ARHGAP6: variants seen among roughly 807,000 people sequenced by gnomAD.
ARHGAP6 encodes rho GTPase-activating protein 6.
A neutral mutation model predicts 55.7 loss-of-function variants in ARHGAP6; 16 were observed. The ratio of observed to expected loss-of-function variants is 0.29; its 90% CI spans 0.19 to 0.44. The LOEUF (loss-of-function observed/expected upper bound fraction) is 0.44. ARHGAP6 is among the 20% of genes least tolerant of loss of function. ARHGAP6 has a pLI of 1.00. For synonymous variants in ARHGAP6, 382 were observed against 360.9 expected (o/e 1.06, Z -0.66); for missense variants, 698 against 808.9 (o/e 0.86, Z 1.66).
At chrX:11,504,687 C>G (rs1170442850) in intron 1 of ARHGAP6, among the ~76,000 whole-genome samples, 1 of 111,941 alleles carries the variant, frequency 8.9e-6, no homozygotes, top group East Asian at 2.8e-4. Flanking sequence ...ACATACACAC[C>G]CACTGGCTTA....
chrX:11,404,077 T>C (rs1309431031), intron 1 of ARHGAP6, among the ~76,000 whole-genome samples: 1 of 111,850 alleles, frequency 8.9e-6, no homozygotes, highest in Non-Finnish European at 1.9e-5. Context: ...TATGCCTTAC[T>C]GATACTTCTT....
At chrX:11,514,677 C>T (rs2050819308) in intron 1 of ARHGAP6, among the ~76,000 whole-genome samples, 1 of 111,387 alleles carries the variant, frequency 9.0e-6, no homozygotes, top group Non-Finnish European at 1.9e-5. Context: ...AGTTATCAAA[C>T]AATTCTCTAT....
chrX:11,432,779 C>T (rs2049952810), intron 1 of ARHGAP6, among the ~76,000 whole-genome samples: 1 of 111,556 alleles, frequency 9.0e-6, no homozygotes, highest in African/African-American at 3.3e-5. Flanking sequence ...CTGCTAAGGC[C>T]CTGGCATTGG....
chrX:11,457,397 GGT>G (rs1458691579), intron 1 of ARHGAP6, among the ~76,000 whole-genome samples: 1 of 110,984 alleles, frequency 9.0e-6, no homozygotes, highest in African/African-American at 3.3e-5. Flanking sequence ...TGTGATGGAT[GGT>G]AAGTTTGCCT....
chrX:11,296,448 G>A (rs1376505404), intron 1 of ARHGAP6, among the ~76,000 whole-genome samples: 1 of 111,466 alleles, frequency 9.0e-6, no homozygotes, highest in Non-Finnish European at 1.9e-5. Context: ...CTGGGCGTGG[G>A]GGTGGGATGC....
chrX:11,280,995 G>A (rs901787772), intron 1 of ARHGAP6, among the ~76,000 whole-genome samples: 6 of 111,153 alleles, frequency 5.4e-5, no homozygotes, highest in African/African-American at 2.0e-4. Context: ...ATTCAAAACA[G>A]CCCCGAACTG....
intron 1 of ARHGAP6, among the ~76,000 whole-genome samples, chrX:11,326,627 A>C (rs2048502731): frequency 8.9e-6 from 1 of 111,800 alleles, no homozygotes; most frequent in African/African-American, 3.3e-5. Context: ...AATATAACTA[A>C]AGCTTGAATG....
intron 1 of ARHGAP6, among the ~76,000 whole-genome samples, chrX:11,602,818 A>C (rs1306312868): frequency 8.9e-6 from 1 of 112,284 alleles, no homozygotes; most frequent in East Asian, 2.8e-4. Context: ...CCCAATTGAC[A>C]CTGGAGGATA....
intron 1 of ARHGAP6, among the ~76,000 whole-genome samples, chrX:11,640,487 G>A (rs1463651723): frequency 3.6e-5 from 4 of 111,934 alleles, no homozygotes; most frequent in Non-Finnish European, 5.7e-5. Flanking sequence ...GTGCTGCCTC[G>A]CCTTAAATAA....
intron 1 of ARHGAP6, among the ~76,000 whole-genome samples, chrX:11,416,374 T>A (rs1052588317): frequency 2.7e-5 from 3 of 111,768 alleles, no homozygotes; most frequent in Non-Finnish European, 5.6e-5. Context: ...AAATATCAAG[T>A]CATAATCATA....
intron 1 of ARHGAP6, among the ~76,000 whole-genome samples, chrX:11,502,894 T>TTTTTC (rs1213203995): frequency 9.0e-6 from 1 of 111,007 alleles, no homozygotes; most frequent in Non-Finnish European, 1.9e-5. Context: ...GATTTTCTTT[T>TTTTTC]TTTTCTTTTC....
chrX:11,545,296 G>C lies in ARHGAP6; in HGVS notation c.588+118945C>G, dbSNP rs148290264. 5.6e-3 allele frequency among the ~76,000 whole-genome samples: 625 copies of C among 112,420 alleles called. 2 individuals are homozygous for C. Among genetic ancestry groups the C allele is most frequent in the African/African-American group, 0.019 (595 of 31,007 alleles). ...CTTTCAAAAATCTTGACTTCAAGGA[G>C]ATATTGTGCTTCTTATTTGCAAACA... On this transcript the variant is annotated intron_variant, in intron 1 of 12. Transcript: ENST00000337414.
At position 11,406,885 on chromosome X, in the gene ARHGAP6, A is replaced by T. The variant is rs780678674; in HGVS notation, c.589-152178T>A. ...ATAAATGGGGAGTTTTTTTTTTTTT[A>T]ATAAGTAAATGTGCCTAGACAGACT... On this transcript the variant is annotated intron_variant, in intron 1 of 12. Coordinates refer to ENST00000337414, the MANE Select transcript of ARHGAP6 (RefSeq NM_013427.3). 1.6e-3 allele frequency among the ~76,000 whole-genome samples: 174 copies of T among 108,408 alleles called. 1 individual carries two copies. Among genetic ancestry groups the T allele is most frequent in the Non-Finnish European group, 3.0e-3 (155 of 52,149 alleles). 94.1% of individuals were successfully genotyped at this position (108,408 alleles called of 115,157 possible).
At chrX:11,219,009 G>C (rs2046922671) in intron 2 of ARHGAP6, among the ~76,000 whole-genome samples, 1 of 105,040 alleles carries the variant, frequency 9.5e-6, no homozygotes, top group East Asian at 3.2e-4. Context: ...CTAGCATTAG[G>C]TATATCTCCC....
intron 1 of ARHGAP6, among the ~76,000 whole-genome samples, chrX:11,275,583 C>T (rs1283742991): frequency 9.0e-6 from 1 of 111,668 alleles, no homozygotes; most frequent in South Asian, 3.8e-4. Flanking sequence ...TGTAGGCTGT[C>T]TCTCCCTACA....
chrX:11,536,758 T>C, intron 1 of ARHGAP6, among the ~76,000 whole-genome samples: 1 of 112,591 alleles, frequency 8.9e-6, no homozygotes, highest in Non-Finnish European at 1.9e-5. Flanking sequence ...TGTACAATTA[T>C]TTTTGTATTG....
rs1183794863 is a variant in ARHGAP6, at chrX:11,174,518, TTTCCTTCCTTCCTTCC to T, written c.1629+3566_1629+3581del. ...AAATCCCAAGGCCATTCTTTCTTTC[TTTCCTTCCTTCCTTCC>T]TTCCTTCCTTCCTTCCTTCCTTCCT... On this transcript the variant is annotated intron_variant, in intron 8 of 12. Coordinates refer to ENST00000337414, the MANE Select transcript of ARHGAP6 (RefSeq NM_013427.3). 3.4e-3 allele frequency among the ~76,000 whole-genome samples: 235 copies of T among 69,544 alleles called. 3 individuals carry two copies. Among genetic ancestry groups the T allele is most frequent in the African/African-American group, 0.013 (215 of 16,462 alleles). 60.4% of individuals were successfully genotyped at this position (69,544 alleles called of 115,157 possible).
chrX:11,514,816 T>TC (rs2050820958), intron 1 of ARHGAP6, among the ~76,000 whole-genome samples: 1 of 105,886 alleles, frequency 9.4e-6, no homozygotes, highest in Non-Finnish European at 1.9e-5. Flanking sequence ...AATATTGCCC[T>TC]CTTCACCTTT....
intron 8 of ARHGAP6, among the ~76,000 whole-genome samples, chrX:11,174,845 G>A (rs773778404): frequency 3.3e-4 from 34 of 104,014 alleles, no homozygotes; most frequent in African/African-American, 1.0e-3. Context: ...CCACCACCAC[G>A]CCCGGCTAAT....
Sources: allele counts gnomAD v4.1 joint callset (sites outside exome capture counted in the v4.1 genomes callset), GRCh38; gene constraint gnomAD v4.1.1; transcripts MANE v1.5; gene names NCBI Gene and HGNC (gene_info 2026-07-23, HGNC 2026-07-21).